LAMA3: variants seen among roughly 807,000 people sequenced by gnomAD.
LAMA3 encodes laminin subunit alpha 3.
Under a neutral mutation model 402.0 loss-of-function variants are expected in LAMA3, and 281 were observed. The observed-to-expected ratio is 0.70, with a 90% CI of 0.63 to 0.77. LAMA3 has a LOEUF of 0.77. Ranked by LOEUF, LAMA3 falls within the 30% of genes least tolerant of loss-of-function variation. The pLI is 0.00. For synonymous variants in LAMA3, 1,431 were observed against 1,558.4 expected (o/e 0.92, Z 1.93); for missense variants, 3,840 against 4,215.5 (o/e 0.91, Z 2.47).
At chr18:23,914,676 T>C (rs1353871609) in intron 57 of LAMA3, 22 bp from the exon 58 acceptor site, 1 of 1,602,836 alleles carries the variant, frequency 6.2e-7, no homozygotes, top group South Asian at 1.1e-5. Flanking sequence ...TTAACTTTAT[T>C]ATCTAAATTC....
At chr18:23,896,089 G>A (rs1022342666) in intron 44 of LAMA3, among the ~76,000 whole-genome samples, 2 of 152,002 alleles carry the variant, frequency 1.3e-5, no homozygotes, top group Non-Finnish European at 2.9e-5. Context: ...TAATCCCAGC[G>A]CTTTGGGAGG....
intron 5 of LAMA3, among the ~76,000 whole-genome samples, chr18:23,753,031 C>T (rs1363802576): frequency 6.6e-6 from 1 of 152,222 alleles, no homozygotes; most frequent in East Asian, 1.9e-4. Context: ...CTATTGTCAG[C>T]ACTGCAGAGG....
At chr18:23,830,416 C>T (rs1372930171) in intron 23 of LAMA3, among the ~76,000 whole-genome samples, 1 of 152,182 alleles carries the variant, frequency 6.6e-6, no homozygotes, top group East Asian at 1.9e-4. Flanking sequence ...ATGCCCTACT[C>T]ACACCTCAAC....
intron 8 of LAMA3, among the ~76,000 whole-genome samples, chr18:23,773,104 A>C (rs1204772883): frequency 6.6e-6 from 1 of 152,258 alleles, no homozygotes; most frequent in Non-Finnish European, 1.5e-5. Context: ...AAATGCACAC[A>C]TGACCCTTGG....
intron 62 of LAMA3, among the ~76,000 whole-genome samples, chr18:23,924,543 C>CT (rs66546657): frequency 2.5e-3 from 225 of 89,086 alleles, no homozygotes; most frequent in African/African-American, 6.9e-3. Flanking sequence ...CTTTTTTTTT[C>CT]TTTTTTTTTT....
chr18:23,813,129 A>G (rs757401953), intron 14 of LAMA3, 26 bp downstream of exon 14: 22 of 1,510,744 alleles, frequency 1.5e-5, no homozygotes, highest in African/African-American at 2.7e-5. Context: ...AAGGGTTGCA[A>G]TTCTAACTAT....
At chr18:23,745,518 G>A (rs369597751) in intron 2 of LAMA3, among the ~76,000 whole-genome samples, 3 of 152,118 alleles carry the variant, frequency 2.0e-5, no homozygotes, top group Admixed American at 6.5e-5. Flanking sequence ...GATGAAACAC[G>A]TCAAATATTC....
chr18:23,837,289 T>A lies in LAMA3; in HGVS notation c.3093+200T>A. The A allele has an allele frequency of 6.9e-6, 4 of 576,976 alleles. No individual in the cohort carries two copies. The South Asian group carries it at 8.1e-5, about 12-fold the overall frequency. The allele number at this position is 576,976 out of a possible 1,614,324, so 35.7% of individuals were successfully genotyped here. On this transcript the variant is annotated intron_variant, in intron 25 of 74. Transcript: ENST00000313654. ...CATTTTTTGATATGGCCTAATAAAATTTAGTCATATTTAAGCACCTCTCAC... is the reference window on the plus strand; with the variant it reads ...CATTTTTTGATATGGCCTAATAAAAATTAGTCATATTTAAGCACCTCTCAC...
At position 23,946,166 on chromosome 18, in the gene LAMA3, A is replaced by G. The variant is rs2082704197; in HGVS notation, c.9233A>G (p.Glu3078Gly). Residue 3078 changes from glutamate to glycine, a missense_variant, in exon 70 of 75, where the codon GAA becomes GGA. This residue lies in a region of LAMA3 where 840 missense variants were observed against 981.9 expected (regional missense o/e 0.86). Coordinates refer to ENST00000313654, the MANE Select transcript of LAMA3 (RefSeq NM_198129.4). ...AAGGTGGTGTTTGGCCATGATGGGG[A>G]AAAGGGGCGCTTGGTTGTGGATGGA... ...WHTVVFGHDG[E>G]KGRLVVDGLR... The G allele has an allele frequency of 6.2e-7, 1 of 1,613,796 alleles. No homozygotes were observed.
intron 1 of LAMA3, among the ~76,000 whole-genome samples, chr18:23,707,095 A>G (rs77600122): frequency 0.02 from 2,980 of 152,230 alleles, 93 homozygotes; most frequent in African/African-American, 0.068. Flanking sequence ...AACAAAAACA[A>G]AAACAGTTTT....
At chr18:23,884,687 T>C in intron 40 of LAMA3, 86 bp from the exon 41 acceptor site, 1 of 1,277,970 alleles carries the variant, frequency 7.8e-7, no homozygotes, top group Admixed American at 1.7e-5. Flanking sequence ...GCTCACTTAA[T>C]ACAAGCCAGT....
intron 11 of LAMA3, among the ~76,000 whole-genome samples, chr18:23,779,104 G>A (rs1157039554): frequency 1.3e-5 from 2 of 152,170 alleles, no homozygotes; most frequent in Non-Finnish European, 2.9e-5. Flanking sequence ...TGGAGTGAGG[G>A]AAGGTGAGAC....
intron 8 of LAMA3, among the ~76,000 whole-genome samples, chr18:23,765,548 C>G (rs1009392330): frequency 2.0e-5 from 3 of 152,128 alleles, no homozygotes; most frequent in African/African-American, 7.2e-5. Flanking sequence ...AATGTCTAGG[C>G]TACAACCCTA....
At chr18:23,877,986 G>A (rs1325170030) in intron 39 of LAMA3, among the ~76,000 whole-genome samples, 7 of 152,110 alleles carry the variant, frequency 4.6e-5, no homozygotes, top group African/African-American at 9.7e-5. Context: ...GGTGGTGGGC[G>A]CCTGCAATCC....
Position 23,920,926 on chromosome 18 carries a change from C to G in LAMA3, c.7924-9C>G. 1 of 1,613,898 alleles carries G rather than the reference C, an allele frequency of 6.2e-7. No homozygotes were observed. The highest frequency in any genetic ancestry group is 8.5e-7 in the Non-Finnish European group (1 of 1,179,980). On this transcript the variant is annotated splice_polypyrimidine_tract_variant and intron_variant, in intron 60 of 74. Coordinates refer to ENST00000313654, the MANE Select transcript of LAMA3 (RefSeq NM_198129.4). Reference sequence around the variant, plus strand: ...CCTTCTGGTCATCTGCATTGTTCCTCTGTCCTAGGATCGCTTCATATCTCT... The same window carrying G: ...CCTTCTGGTCATCTGCATTGTTCCTGTGTCCTAGGATCGCTTCATATCTCT...
chr18:23,796,649 T>C (rs2062768681), intron 12 of LAMA3, among the ~76,000 whole-genome samples: 1 of 152,214 alleles, frequency 6.6e-6, no homozygotes. Context: ...TTATTTTAAA[T>C]GGTTGGAGCC....
intron 2 of LAMA3, among the ~76,000 whole-genome samples, chr18:23,731,788 G>A (rs1401259692): frequency 6.6e-6 from 1 of 152,074 alleles, no homozygotes; most frequent in South Asian, 2.1e-4. Context: ...GAGGGGAAAG[G>A]GTTGGGAAAC....
intron 30 of LAMA3, 38 bp from the exon 31 acceptor site, chr18:23,846,259 T>A: frequency 1.2e-6 from 2 of 1,603,472 alleles, no homozygotes; most frequent in Non-Finnish European, 8.5e-7. Context: ...CATACACACC[T>A]CCCCAGGCAT....
rs921871575 is a variant in LAMA3, at chr18:23,689,910, C to T, written c.227C>T (p.Pro76Leu). Residue 76 changes from proline to leucine, a missense_variant, in exon 1 of 75, where the codon CCC becomes CTC. Pro to Leu is a moderately conservative substitution (Grantham distance 98, BLOSUM62 -3). Transcript: ENST00000313654. ...CGERGPGEGR[P>L]QPELYCKLVG... ...GAGAGGGGACCCGGCGAGGGGAGGC[C>T]CCAGCCCGAGCTCTACTGCAAGTTG... 3.3e-6 allele frequency: 5 copies of T among 1,534,152 alleles called. No individual in the cohort carries two copies. Among genetic ancestry groups the T allele is most frequent in the South Asian group, 2.4e-5 (2 of 81,968 alleles).
Sources: allele counts gnomAD v4.1 joint callset (sites outside exome capture counted in the v4.1 genomes callset), GRCh38; gene constraint gnomAD v4.1.1; regional missense constraint gnomAD v4.1.1; transcripts MANE v1.5; gene names NCBI Gene and HGNC (gene_info 2026-07-23, HGNC 2026-07-21).